UBAC2: variants seen among roughly 807,000 people sequenced by gnomAD.
UBAC2 encodes the protein ubiquitin-associated domain-containing protein 2.
UBAC2 carries 26 observed loss-of-function variants against 44.0 expected under a neutral mutation model. That is an observed-to-expected ratio of 0.59 (90% CI 0.43 to 0.82). The LOEUF is 0.82. Ranked by LOEUF, UBAC2 falls within the 40% of genes least tolerant of loss-of-function variation. The pLI is 0.00. For synonymous variants in UBAC2, 155 were observed against 154.3 expected (o/e 1.00, Z -0.04); for missense variants, 329 against 419.4 (o/e 0.78, Z 1.88).
chr13:99,290,980 G>T (rs757362935), intron 4 of UBAC2, among the ~76,000 whole-genome samples: 6 of 152,142 alleles, frequency 3.9e-5, no homozygotes, highest in Non-Finnish European at 7.3e-5. Context: ...GGACAGGGAG[G>T]AATGGAGCTC....
At chr13:99,296,136 G>C in intron 4 of UBAC2, 1 of 1,598,212 alleles carries the variant, frequency 6.3e-7, no homozygotes, top group South Asian at 1.1e-5. Context: ...TTTGCCATTT[G>C]TATATCCATT....
At chr13:99,201,689 G>A in intron 1 of UBAC2, 1 of 1,099,132 alleles carries the variant, frequency 9.1e-7, no homozygotes, top group Non-Finnish European at 1.3e-6. Flanking sequence ...ACGGAGAACA[G>A]CTCTAATTTT....
intron 1 of UBAC2, among the ~76,000 whole-genome samples, chr13:99,203,470 C>A (rs1240461861): frequency 1.3e-5 from 2 of 152,196 alleles, no homozygotes; most frequent in East Asian, 3.8e-4. Flanking sequence ...AGGGATAAAT[C>A]CCTGCCATTT....
chr13:99,318,944 T>C (rs927313952), intron 6 of UBAC2, among the ~76,000 whole-genome samples: 7 of 141,128 alleles, frequency 5.0e-5, no homozygotes, highest in African/African-American at 7.9e-5. Flanking sequence ...TTTTAAATCA[T>C]AGAAAAAAAA....
At chr13:99,237,891 G>C (rs1404294353) in intron 1 of UBAC2, among the ~76,000 whole-genome samples, 2 of 152,186 alleles carry the variant, frequency 1.3e-5, no homozygotes, top group African/African-American at 4.8e-5. Flanking sequence ...GGAGGTGGAG[G>C]TTGCAGTGAG....
At chr13:99,280,807 C>T (rs2043943076) in intron 4 of UBAC2, among the ~76,000 whole-genome samples, 1 of 150,926 alleles carries the variant, frequency 6.6e-6, no homozygotes, top group Non-Finnish European at 1.5e-5. Context: ...TCCTTCCCTC[C>T]CTTCTTCCTT....
chr13:99,250,628 G>T (rs2043446493), intron 4 of UBAC2, among the ~76,000 whole-genome samples: 1 of 152,048 alleles, frequency 6.6e-6, no homozygotes, highest in Non-Finnish European at 1.5e-5. Context: ...TGGTTTGCTA[G>T]GAATAGCCTT....
chr13:99,226,500 A>G (rs1355885620), intron 1 of UBAC2, among the ~76,000 whole-genome samples: 1 of 152,118 alleles, frequency 6.6e-6, no homozygotes, highest in Non-Finnish European at 1.5e-5. Context: ...ATCTTCCACC[A>G]TTGCCTTACT....
At chr13:99,215,330 TTTTA>T in intron 1 of UBAC2, 1 of 829,426 alleles carries the variant, frequency 1.2e-6, no homozygotes, top group Non-Finnish European at 2.2e-6. Flanking sequence ...ACAGCTGTTC[TTTTA>T]TTTAGAGTCC....
intron 4 of UBAC2, among the ~76,000 whole-genome samples, chr13:99,298,454 G>A (rs1175286191): frequency 2.6e-5 from 4 of 152,102 alleles, no homozygotes; most frequent in African/African-American, 9.7e-5. Flanking sequence ...ACTAAATGAT[G>A]AAAGTACTAC....
At chr13:99,210,665 C>T (rs748637338) in intron 1 of UBAC2, among the ~76,000 whole-genome samples, 2 of 151,922 alleles carry the variant, frequency 1.3e-5, no homozygotes, top group African/African-American at 4.8e-5. Flanking sequence ...TTAGTAGAGA[C>T]GGGGTTTCTC....
chr13:99,270,983 C>T (rs940975164), intron 4 of UBAC2, among the ~76,000 whole-genome samples: 14 of 152,142 alleles, frequency 9.2e-5, no homozygotes, highest in African/African-American at 2.9e-4. Context: ...TTTCCCCAAT[C>T]TTTTTGCATT....
At chr13:99,296,083 A>G in intron 4 of UBAC2, 1 of 1,613,646 alleles carries the variant, frequency 6.2e-7, no homozygotes, top group African/African-American at 1.3e-5. Flanking sequence ...CATAGAGGTC[A>G]CAGTCATTTC....
chr13:99,352,786 G>A (rs1199447913), intron 7 of UBAC2, among the ~76,000 whole-genome samples: 1 of 143,122 alleles, frequency 7.0e-6, no homozygotes, highest in Non-Finnish European at 1.6e-5. Flanking sequence ...AGTGAAATGT[G>A]ATGGTCACTC....
intron 6 of UBAC2, among the ~76,000 whole-genome samples, chr13:99,335,323 T>G (rs570750788): frequency 6.6e-6 from 1 of 152,364 alleles, no homozygotes; most frequent in South Asian, 2.1e-4. Flanking sequence ...ATTTTCTGTT[T>G]TATATCAGAT....
intron 4 of UBAC2, among the ~76,000 whole-genome samples, chr13:99,247,577 G>A (rs915900004): frequency 7.2e-5 from 11 of 152,000 alleles, no homozygotes; most frequent in African/African-American, 2.7e-4. Context: ...CACACACTGG[G>A]GCTGTCTATG....
intron 4 of UBAC2, among the ~76,000 whole-genome samples, chr13:99,313,885 G>T (rs560213205): frequency 9.9e-5 from 15 of 152,162 alleles, no homozygotes; most frequent in Admixed American, 3.9e-4. Context: ...TTTCAGGAGG[G>T]TCAATAAGGA....
At chr13:99,216,991 C>T (rs1386428991) in intron 1 of UBAC2, among the ~76,000 whole-genome samples, 7 of 151,710 alleles carry the variant, frequency 4.6e-5, no homozygotes, top group Non-Finnish European at 1.0e-4. Flanking sequence ...CCACCATGAC[C>T]GGCTAATTTT....
At chr13:99,351,504 G>C (rs2045088191) in intron 7 of UBAC2, 1 of 456,300 alleles carries the variant, frequency 2.2e-6, no homozygotes, top group South Asian at 1.6e-5. Flanking sequence ...GCCAGTCCCT[G>C]CTGTAGAAGG....
Sources: allele counts gnomAD v4.1 joint callset (sites outside exome capture counted in the v4.1 genomes callset), GRCh38; gene constraint gnomAD v4.1.1; transcripts MANE v1.5; gene names NCBI Gene and HGNC (gene_info 2026-07-23, HGNC 2026-07-21).